Variants in NLRP5 observed in about 807,000 individuals in gnomAD.
NLRP5 encodes NACHT, LRR and PYD domains-containing protein 5.
Under a neutral mutation model 113.1 loss-of-function variants are expected in NLRP5, and 93 were observed. The observed-to-expected ratio is 0.82, with a 90% confidence interval of 0.70 to 0.98. NLRP5 has a LOEUF of 0.98. Ranked by LOEUF, NLRP5 falls within the 50% of genes least tolerant of loss-of-function variation. The pLI is 0.00. For synonymous variants in NLRP5, 751 were observed against 600.7 expected, an observed-to-expected ratio of 1.25 and a Z score of -3.66; for missense variants, 1,808 against 1,514.3, an observed-to-expected ratio of 1.19 and a Z score of -3.22.
At chr19:56,039,772 T>G (rs1473770102) in intron 10 of NLRP5, among the ~76,000 whole-genome samples, 1 of 151,916 alleles carries the variant, frequency 6.6e-6, no homozygotes, top group Non-Finnish European at 1.5e-5. Flanking sequence ...AAATTAGCTG[T>G]GCATGGTGGC....
intron 13 of NLRP5, among the ~76,000 whole-genome samples, chr19:56,056,180 A>C (rs1225929060): frequency 6.6e-6 from 1 of 152,186 alleles, no homozygotes; most frequent in Non-Finnish European, 1.5e-5. Flanking sequence ...CAAATAATAT[A>C]AAATCATTTA....
chr19:56,043,820 G>A (rs975926094), intron 11 of NLRP5, among the ~76,000 whole-genome samples: 13 of 151,440 alleles, frequency 8.6e-5, no homozygotes, highest in Admixed American at 2.6e-4. Context: ...CTTGTGATTT[G>A]CCCTCCTCAG....
At chr19:55,999,580 T>G, upstream of NLRP5, 1 of 669,424 alleles carries the variant, frequency 1.5e-6, no homozygotes, top group Non-Finnish European at 2.7e-6. Flanking sequence ...TTCCCATGCA[T>G]GCTCTGTGCC....
rs1026786133 is a variant in NLRP5 at position 56,053,758 on chromosome 19, T to C, written c.3249T>C (p.Ala1083=). 12 of 1,613,930 alleles carry C rather than the reference T, an allele frequency of 7.4e-6. No individual in the cohort carries two copies. The highest frequency in any genetic ancestry group is 9.3e-6 in the Non-Finnish European group (11 of 1,179,870). The change falls in exon 13 of 15, where the codon GCT becomes GCC. Residue 1083 remains alanine, a synonymous_variant. Coordinates refer to ENST00000390649, the MANE Select transcript of NLRP5 (RefSeq NM_153447.4). ...ATGCCCTGGGTGACGGTGGGGTTGCTGCGCTGTGCGAGGGACTGAAGCAAA... is the reference window on the plus strand; with the variant it reads ...ATGCCCTGGGTGACGGTGGGGTTGCCGCGCTGTGCGAGGGACTGAAGCAAA...
chr19:56,059,667 T>A (rs1984282780), intron 14 of NLRP5, among the ~76,000 whole-genome samples: 1 of 152,180 alleles, frequency 6.6e-6, no homozygotes, highest in African/African-American at 2.4e-5. Flanking sequence ...CCTGAGTGGC[T>A]GGGATTATAG....
chr19:56,061,460 C>T lies in NLRP5; in HGVS notation c.3535C>T (p.Pro1179Ser), dbSNP rs756719308. 5 of 1,613,924 alleles carry T rather than the reference C, an allele frequency of 3.1e-6. No individual in the cohort carries two copies. Among genetic ancestry groups the T allele is most frequent in the Non-Finnish European group, 4.2e-6 (5 of 1,179,828 alleles). The change falls in exon 15 of 15, where the codon CCC becomes TCC. Residue 1179 changes from proline to serine, a missense_variant. Coordinates refer to ENST00000390649, the MANE Select transcript of NLRP5 (RefSeq NM_153447.4). ...GCTGGAGGAAGTGCAGCTACTCAAGCCCCGAGTCGTAATTGACGGTAGTTG... is the reference window on the plus strand; with the variant it reads ...GCTGGAGGAAGTGCAGCTACTCAAGTCCCGAGTCGTAATTGACGGTAGTTG...
At chr19:56,053,590 C>G in intron 12 of NLRP5, 48 bp from the exon 13 acceptor site, 7 of 1,549,226 alleles carry the variant, frequency 4.5e-6, no homozygotes, top group Non-Finnish European at 6.2e-6. Context: ...CCCGCTGTTC[C>G]ACTTTCCTCG....
chr19:56,059,344 G>A (rs1273978888), intron 14 of NLRP5, among the ~76,000 whole-genome samples: 1 of 152,166 alleles, frequency 6.6e-6, no homozygotes, highest in Non-Finnish European at 1.5e-5. Context: ...GTTCACTGAT[G>A]TCTTCAGTGT....
rs139666199 is a variant in NLRP5 at position 56,034,100 on chromosome 19, C to T, written c.2615+391C>T. On this transcript the variant is annotated intron_variant, in intron 9 of 14. Coordinates refer to ENST00000390649, the MANE Select transcript of NLRP5 (RefSeq NM_153447.4). ...TTAATTGTATAGAGGTTGAATGTGC[C>T]CTTCTGGGCCGGGCGCGGTGGCTCA... Among the ~76,000 whole-genome samples the T allele has an allele frequency of 6.4e-3, 968 of 152,124 alleles. 12 individuals carry two copies. Among genetic ancestry groups the T allele is most frequent in the African/African-American group, 0.02 (835 of 41,522 alleles).
intron 7 of NLRP5, among the ~76,000 whole-genome samples, chr19:56,031,397 G>T (rs1401702212): frequency 6.6e-6 from 1 of 152,082 alleles, no homozygotes; most frequent in Non-Finnish European, 1.5e-5. Context: ...GGGAGGCCAA[G>T]GTGGGTGGAT....
intron 6 of NLRP5, among the ~76,000 whole-genome samples, chr19:56,026,330 C>T (rs906761307): frequency 2.0e-5 from 3 of 151,612 alleles, no homozygotes; most frequent in Non-Finnish European, 4.4e-5. Context: ...AGATTGAGAC[C>T]ATCCTGGCGA....
intron 13 of NLRP5, among the ~76,000 whole-genome samples, chr19:56,056,223 C>G (rs1251879998): frequency 6.6e-6 from 1 of 152,042 alleles, no homozygotes; most frequent in African/African-American, 2.4e-5. Flanking sequence ...ATCAAGAAGC[C>G]AACTATGATC....
At chr19:56,049,374 T>A (rs180982686) in intron 11 of NLRP5, among the ~76,000 whole-genome samples, 11 of 152,050 alleles carry the variant, frequency 7.2e-5, no homozygotes, top group Non-Finnish European at 1.3e-4. Flanking sequence ...AGAGATGGGG[T>A]TTCTCCATGT....
intron 7 of NLRP5, among the ~76,000 whole-genome samples, chr19:56,030,012 G>A (rs1039265458): frequency 4.7e-5 from 7 of 149,938 alleles, no homozygotes; most frequent in African/African-American, 7.4e-5. Flanking sequence ...CCGAGATCAC[G>A]CCACTGCACT....
chr19:56,041,047 T>G lies in NLRP5; in HGVS notation c.2912T>G (p.Leu971Arg). 6.2e-7 allele frequency: 1 copy of G among 1,613,982 alleles called. No individual in the cohort carries two copies. The highest frequency in any genetic ancestry group is 8.5e-7 in the Non-Finnish European group (1 of 1,179,882). The change falls in exon 11 of 15, where the codon CTG (leucine) becomes CGG (arginine). Residue 971 changes from leucine (L) to arginine (R), a missense_variant. Transcript: ENST00000390649. ...CTGGGGAACGAAGGTGTAAATCTAC[T>G]GTGTCGATCCATGAGGCTTCCCCAC...
Position 56,038,124 on chromosome 19 carries a change from G to A in NLRP5, c.2715G>A (p.Lys905=). ...AATCTCTGAGCCTGGCAGGAAACAA[G>A]GTGACAGACCAGGGAGTAATGCCTC... The change falls in exon 10 of 15, where the codon AAG becomes AAA. Residue 905 remains lysine (K), a synonymous_variant. Coordinates refer to ENST00000390649, the MANE Select transcript of NLRP5 (RefSeq NM_153447.4). 5.6e-6 allele frequency: 9 copies of A among 1,613,988 alleles called. No homozygotes were observed. Among genetic ancestry groups the A allele is most frequent in the Non-Finnish European group, 7.6e-6 (9 of 1,179,862 alleles).
chr19:56,046,182 G>A (rs1021572692), intron 11 of NLRP5, among the ~76,000 whole-genome samples: 5 of 152,078 alleles, frequency 3.3e-5, no homozygotes, highest in African/African-American at 4.8e-5. Flanking sequence ...GGATTTTGTC[G>A]AATGCTTTTC....
upstream of NLRP5, among the ~76,000 whole-genome samples, chr19:55,999,491 C>T (rs920610652): frequency 2.6e-5 from 4 of 152,162 alleles, no homozygotes; most frequent in African/African-American, 9.6e-5. Flanking sequence ...TAAGCCTGAG[C>T]GCTTGTGTAC....
At chr19:56,017,593 T>A (rs1982456988) in intron 4 of NLRP5, among the ~76,000 whole-genome samples, 1 of 152,208 alleles carries the variant, frequency 6.6e-6, no homozygotes, top group Non-Finnish European at 1.5e-5. Context: ...TGATTTCTAA[T>A]CTTATTTCAT....
Sources: allele counts gnomAD v4.1 joint callset (sites outside exome capture counted in the v4.1 genomes callset), GRCh38; gene constraint gnomAD v4.1.1; transcripts MANE v1.5; gene names NCBI Gene and HGNC (gene_info 2026-07-23, HGNC 2026-07-21).